The following RBFOX1 variants were observed in gnomAD, a reference collection of about 807,000 sequenced individuals.
RBFOX1 encodes RNA binding fox-1 homolog 1.
Under a neutral mutation model 57.7 loss-of-function variants are expected in RBFOX1, and 8 were observed. That is an observed-to-expected ratio of 0.14 (90% CI 0.08 to 0.25). The LOEUF is 0.25. Among genes scored for constraint, RBFOX1 ranks in the 10% least tolerant of loss-of-function variants. The pLI, the probability that RBFOX1 is intolerant of heterozygous loss-of-function variation, is 1.00. For synonymous variants in RBFOX1, 326 were observed against 222.4 expected (o/e 1.47, Z -4.15); for missense variants, 611 against 548.5 (o/e 1.11, Z -1.14).
intron 3 of RBFOX1, among the ~76,000 whole-genome samples, chr16:7,027,702 C>T (rs933885625): frequency 5.3e-5 from 8 of 152,084 alleles, no homozygotes; most frequent in Non-Finnish European, 1.0e-4. Context: ...GAGGAATAGT[C>T]AGTTTGTTTT....
chr16:6,801,539 C>T (rs1242165902), intron 3 of RBFOX1, among the ~76,000 whole-genome samples: 1 of 151,972 alleles, frequency 6.6e-6, no homozygotes, highest in Non-Finnish European at 1.5e-5. Flanking sequence ...AGTCAGGGCC[C>T]TTGAAATTTA....
At chr16:5,738,661 A>G (rs1260838403) in intron 3 of RBFOX1, among the ~76,000 whole-genome samples, 3 of 151,588 alleles carry the variant, frequency 2.0e-5, no homozygotes, top group African/African-American at 4.8e-5. Flanking sequence ...AAAAAGGGAA[A>G]TCTAAAGGAA....
intron 3 of RBFOX1, among the ~76,000 whole-genome samples, chr16:6,751,828 G>C (rs1263368979): frequency 1.3e-5 from 2 of 152,150 alleles, no homozygotes; most frequent in Non-Finnish European, 1.5e-5. Flanking sequence ...TAACAAAGCT[G>C]TCTCTGACCA....
chr16:6,742,962 C>G (rs139825705), intron 3 of RBFOX1, among the ~76,000 whole-genome samples: 77 of 152,218 alleles, frequency 5.1e-4, no homozygotes, highest in Non-Finnish European at 3.2e-4. Flanking sequence ...TACAAACACA[C>G]TTTATCAATG....
At chr16:6,561,768 T>C (rs2097182097) in intron 2 of RBFOX1, among the ~76,000 whole-genome samples, 1 of 152,224 alleles carries the variant, frequency 6.6e-6, no homozygotes, top group African/African-American at 2.4e-5. Context: ...AATATGGCTT[T>C]ATAAGTGATT....
Position 6,527,447 on chromosome 16 carries a change from A to G in RBFOX1, c.-63-127156A>G, listed in dbSNP as rs993084634. Among the ~76,000 whole-genome samples, 9 of 152,190 alleles carry G rather than the reference A, an allele frequency of 5.9e-5. No homozygotes were observed. The South Asian group carries it at 1.9e-3, about 32-fold the overall frequency. On this transcript the variant is annotated intron_variant, in intron 2 of 15. Transcript: ENST00000550418. The stretch of plus-strand genomic sequence containing the variant: ...GTATTTTTGGGGCTTGGGGGTGTCT[A>G]TGTTGCCAGCCTGTGAAACACGTGG...
chr16:6,171,971 G>C (rs2152767375), intron 1 of RBFOX1, among the ~76,000 whole-genome samples: 1 of 152,138 alleles, frequency 6.6e-6, no homozygotes, highest in South Asian at 2.1e-4. Flanking sequence ...ACAGGTGCAT[G>C]CCTCCACGCT....
chr16:7,637,271 CAAAAA>C (rs5815418), intron 11 of RBFOX1, among the ~76,000 whole-genome samples: 1 of 139,406 alleles, frequency 7.2e-6, no homozygotes, highest in African/African-American at 2.6e-5. Context: ...CTTCCCTCCT[CAAAAA>C]AAAAAAAAGA....
At chr16:6,507,581 G>C (rs945586012) in intron 2 of RBFOX1, among the ~76,000 whole-genome samples, 4 of 151,828 alleles carry the variant, frequency 2.6e-5, no homozygotes, top group African/African-American at 7.3e-5. Context: ...TGAGGTGGGA[G>C]GATCACTTGA....
intron 4 of RBFOX1, among the ~76,000 whole-genome samples, chr16:7,178,363 C>T (rs770931550): frequency 2.0e-5 from 3 of 152,152 alleles, no homozygotes; most frequent in Non-Finnish European, 2.9e-5. Context: ...GGGTCACTAA[C>T]AATTTGGGCA....
intron 4 of RBFOX1, among the ~76,000 whole-genome samples, chr16:7,467,851 C>G (rs1193754255): frequency 6.6e-6 from 1 of 152,180 alleles, no homozygotes; most frequent in African/African-American, 2.4e-5. Context: ...AGAGCTCAAT[C>G]TATAGCCAAA....
At chr16:5,759,943 T>A (rs934279555) in intron 3 of RBFOX1, among the ~76,000 whole-genome samples, 1 of 152,008 alleles carries the variant, frequency 6.6e-6, no homozygotes, top group Admixed American at 6.6e-5. Flanking sequence ...TGTGCGTATT[T>A]CAACTGCACT....
chr16:7,556,053 T>C (rs2088344956), intron 5 of RBFOX1, among the ~76,000 whole-genome samples: 1 of 152,238 alleles, frequency 6.6e-6, no homozygotes, highest in Non-Finnish European at 1.5e-5. Flanking sequence ...TTAAATTTTA[T>C]ACTACAAGAA....
intron 4 of RBFOX1, among the ~76,000 whole-genome samples, chr16:5,920,601 G>A (rs1359902862): frequency 2.0e-5 from 3 of 152,124 alleles, no homozygotes; most frequent in Admixed American, 6.5e-5. Flanking sequence ...GCTCTGTACT[G>A]GGCAGAGGAG....
At chr16:6,777,947 G>A (rs1323785557) in intron 3 of RBFOX1, among the ~76,000 whole-genome samples, 4 of 152,086 alleles carry the variant, frequency 2.6e-5, no homozygotes, top group Non-Finnish European at 5.9e-5. Context: ...CAGTGCAGGT[G>A]GTAATATCTG....
intron 4 of RBFOX1, among the ~76,000 whole-genome samples, chr16:7,454,503 G>A (rs1567249548): frequency 6.6e-6 from 1 of 152,164 alleles, no homozygotes; most frequent in Non-Finnish European, 1.5e-5. Context: ...TGATCAAGTT[G>A]AGTTTATAAG....
chr16:5,736,983 C>T (rs1414025695), intron 3 of RBFOX1, among the ~76,000 whole-genome samples: 1 of 150,134 alleles, frequency 6.7e-6, no homozygotes, highest in Non-Finnish European at 1.5e-5. Context: ...TCCTATCTTT[C>T]TCTGATTCTG....
At chr16:7,420,584 CT>C (rs1388222929) in intron 4 of RBFOX1, among the ~76,000 whole-genome samples, 2 of 151,164 alleles carry the variant, frequency 1.3e-5, no homozygotes, top group East Asian at 1.9e-4. Flanking sequence ...TTATTTGTAT[CT>C]TTTTTTTTCT....
chr16:5,959,916 C>G (rs149425481), intron 4 of RBFOX1, among the ~76,000 whole-genome samples: 33 of 152,252 alleles, frequency 2.2e-4, no homozygotes, highest in Admixed American at 5.2e-4. Flanking sequence ...AAGAGGAACC[C>G]TAGGCTGGGC....
Sources: allele counts gnomAD v4.1 joint callset (sites outside exome capture counted in the v4.1 genomes callset), GRCh38; gene constraint gnomAD v4.1.1; transcripts MANE v1.5; gene names NCBI Gene and HGNC (gene_info 2026-07-23, HGNC 2026-07-21).